The following TCF12 variants were observed in gnomAD, a reference collection of about 807,000 sequenced individuals.
TCF12 encodes DNA-binding protein HTF4.
Under a neutral mutation model 86.0 loss-of-function variants are expected in TCF12, and 45 were observed. The ratio of observed to expected loss-of-function variants is 0.52; its 90% CI spans 0.41 to 0.67. The LOEUF is 0.67. Ranked by LOEUF, TCF12 falls within the 30% of genes least tolerant of loss-of-function variation. The pLI is 0.00. For synonymous variants in TCF12, 330 were observed against 299.6 expected (o/e 1.10, Z -1.05); for missense variants, 881 against 859.9 (o/e 1.02, Z -0.31).
At chr15:57,126,369 A>G (rs190683739) in intron 5 of TCF12, among the ~76,000 whole-genome samples, 23 of 152,270 alleles carry the variant, frequency 1.5e-4, no homozygotes, top group African/African-American at 4.6e-4. Context: ...ATTAGCAAAA[A>G]TTTGGTTGAG....
intron 19 of TCF12, among the ~76,000 whole-genome samples, chr15:57,279,884 C>CTTTTTT (rs34752903): frequency 6.1e-5 from 6 of 98,302 alleles, no homozygotes; most frequent in East Asian, 2.9e-4. Flanking sequence ...CACAGTCTCA[C>CTTTTTT]TTTTTTTTTT....
intron 5 of TCF12, among the ~76,000 whole-genome samples, chr15:57,125,203 A>G (rs1194319693): frequency 1.3e-5 from 2 of 152,218 alleles, no homozygotes; most frequent in African/African-American, 4.8e-5. Context: ...TTTTATATGC[A>G]GGGAAACCTA....
intron 3 of TCF12, among the ~76,000 whole-genome samples, chr15:57,005,555 G>T (rs1168414894): frequency 6.6e-6 from 1 of 152,086 alleles, no homozygotes; most frequent in East Asian, 1.9e-4. Context: ...TTTTAAAAAT[G>T]TATTTTAATT....
intron 3 of TCF12, among the ~76,000 whole-genome samples, chr15:56,947,699 A>G (rs1188487570): frequency 6.6e-6 from 1 of 152,174 alleles, no homozygotes; most frequent in Non-Finnish European, 1.5e-5. Context: ...CATGGCTCAA[A>G]TCAGAAATTC....
intron 3 of TCF12, among the ~76,000 whole-genome samples, chr15:56,953,996 A>G (rs1299265603): frequency 2.0e-5 from 3 of 150,670 alleles, no homozygotes; most frequent in Admixed American, 1.3e-4. Context: ...TTTGAGGTAC[A>G]TTATGAGGTC....
chr15:57,283,679 A>G (rs2061799341), intron 20 of TCF12, among the ~76,000 whole-genome samples: 2 of 152,230 alleles, frequency 1.3e-5, no homozygotes. Context: ...GAACAGAAAA[A>G]AATATCAAGT....
chr15:57,209,444 A>C (rs1051313967), intron 8 of TCF12, among the ~76,000 whole-genome samples: 2 of 152,226 alleles, frequency 1.3e-5, no homozygotes, highest in African/African-American at 4.8e-5. Flanking sequence ...AAAGTATGGA[A>C]AACAACAATA....
chr15:57,029,957 C>G (rs945632629), intron 3 of TCF12, among the ~76,000 whole-genome samples: 2 of 151,978 alleles, frequency 1.3e-5, no homozygotes, highest in Admixed American at 1.3e-4. Flanking sequence ...ATGGATGTAC[C>G]ATAGTTTGTT....
intron 3 of TCF12, among the ~76,000 whole-genome samples, chr15:57,004,477 C>G (rs890922739): frequency 6.6e-6 from 1 of 152,198 alleles, no homozygotes; most frequent in Non-Finnish European, 1.5e-5. Flanking sequence ...GGCGCGATCT[C>G]AACTCACTGC....
At chr15:57,247,679 G>T (rs2059926378) in intron 13 of TCF12, 3 of 752,450 alleles carry the variant, frequency 4.0e-6, no homozygotes, top group Non-Finnish European at 7.2e-6. Context: ...TTTCCTCACT[G>T]TTAGATGGGC....
intron 7 of TCF12, among the ~76,000 whole-genome samples, chr15:57,195,101 C>T (rs550672685): frequency 6.6e-6 from 1 of 152,092 alleles, no homozygotes; most frequent in East Asian, 1.9e-4. Context: ...AGGGGTTTCA[C>T]CATGTTGGCC....
chr15:57,243,541 C>G lies in TCF12; in HGVS notation c.1105C>G (p.Pro369Ala). 1 of 1,613,648 alleles carries G rather than the reference C, an allele frequency of 6.2e-7. No homozygotes were observed. The highest frequency in any genetic ancestry group is 8.5e-7 in the Non-Finnish European group (1 of 1,179,648). The change falls in exon 13 of 21, where the codon CCT (proline) becomes GCT (alanine). Residue 369 changes from proline (P) to alanine (A), a missense_variant. Around this residue, in one of 3 missense-constraint regions of TCF12, gnomAD observed 766 missense variants for 718.9 expected, o/e 1.07. Transcript: ENST00000333725. ...ATCAACACCAGTTGGATCACCTTCACCTCTCACAGGTAGGCTTCTGTTTTA... is the reference window on the plus strand; with the variant it reads ...ATCAACACCAGTTGGATCACCTTCAGCTCTCACAGGTAGGCTTCTGTTTTA... The part of the protein sequence containing the change: ...NPSTPVGSPS[P>A]LTGTSQWPRP...
chr15:57,062,837 G>T (rs1178231281), intron 3 of TCF12, among the ~76,000 whole-genome samples: 1 of 152,174 alleles, frequency 6.6e-6, no homozygotes, highest in African/African-American at 2.4e-5. Flanking sequence ...AACTATTTCT[G>T]TGTTGATGAA....
At chr15:56,993,225 T>C (rs928589676) in intron 3 of TCF12, among the ~76,000 whole-genome samples, 2 of 152,128 alleles carry the variant, frequency 1.3e-5, no homozygotes, top group African/African-American at 4.8e-5. Context: ...AACTGCTAAG[T>C]TCAGAATGAA....
At chr15:56,922,230 C>T (rs1186802994) in intron 3 of TCF12, among the ~76,000 whole-genome samples, 1 of 151,864 alleles carries the variant, frequency 6.6e-6, no homozygotes, top group Non-Finnish European at 1.5e-5. Context: ...ATAATTCATT[C>T]TCAGGAACCT....
In TCF12 at chr15:57,288,681, G is replaced by C. The variant is rs971305626; in HGVS notation, c.*2536G>C. The C allele has an allele frequency of 6.6e-6, 1 of 152,190 alleles. No individual in the cohort carries two copies. The highest frequency in any genetic ancestry group is 1.5e-5 in the Non-Finnish European group (1 of 68,036). The allele number at this position is 152,190 out of a possible 1,614,324, so 9.4% of individuals were successfully genotyped here. A position where few individuals can be genotyped will look rare whatever the true frequency, so the allele number is the denominator to read the frequency against. ...GAATCAGGCTTGTGGAGCTAAGTTG[G>C]CAATCTGGTCTAGAGCTTCTCTAGC... On this transcript the variant is annotated 3_prime_UTR_variant, in exon 21 of 21. Coordinates refer to ENST00000333725, the MANE Select transcript of TCF12 (RefSeq NM_207037.2).
chr15:57,236,932 A>C (rs2151944754), intron 12 of TCF12, among the ~76,000 whole-genome samples: 1 of 152,208 alleles, frequency 6.6e-6, no homozygotes, highest in East Asian at 1.9e-4. Context: ...AACATTTGCC[A>C]GACAATAACC....
At chr15:57,210,881 A>G (rs1212692491) in intron 8 of TCF12, among the ~76,000 whole-genome samples, 3 of 152,198 alleles carry the variant, frequency 2.0e-5, no homozygotes, top group African/African-American at 7.2e-5. Flanking sequence ...GCTCTACTAA[A>G]TTCTCCAGCC....
At chr15:57,004,636 C>T (rs1294454164) in intron 3 of TCF12, among the ~76,000 whole-genome samples, 1 of 152,142 alleles carries the variant, frequency 6.6e-6, no homozygotes, top group Non-Finnish European at 1.5e-5. Flanking sequence ...GTCTCTGTCT[C>T]CTGACCTTGT....
Sources: allele counts gnomAD v4.1 joint callset (sites outside exome capture counted in the v4.1 genomes callset), GRCh38; gene constraint gnomAD v4.1.1; regional missense constraint gnomAD v4.1.1; transcripts MANE v1.5; gene names NCBI Gene and HGNC (gene_info 2026-07-23, HGNC 2026-07-21).